RBFOX1: variants seen among roughly 807,000 people sequenced by gnomAD.
The protein encoded by RBFOX1 is RNA binding protein fox-1 homolog 1.
Under a neutral mutation model 57.7 loss-of-function variants are expected in RBFOX1, and 8 were observed. That is an observed-to-expected ratio of 0.14 (90% CI 0.08 to 0.25). RBFOX1 has a LOEUF of 0.25. Ranked by LOEUF, RBFOX1 falls within the 10% of genes least tolerant of loss-of-function variation. The pLI, the probability that RBFOX1 is intolerant of heterozygous loss-of-function variation, is 1.00. For synonymous variants in RBFOX1, 326 were observed against 222.4 expected, an observed-to-expected ratio of 1.47 and a Z score of -4.15; for missense variants, 611 against 548.5, an observed-to-expected ratio of 1.11 and a Z score of -1.14.
At chr16:5,987,372 A>C (rs544566879) in intron 4 of RBFOX1, among the ~76,000 whole-genome samples, 4 of 152,328 alleles carry the variant, frequency 2.6e-5, no homozygotes, top group Non-Finnish European at 4.4e-5. Context: ...CTGCACAGCA[A>C]AGGTTTTTAG....
intron 4 of RBFOX1, among the ~76,000 whole-genome samples, chr16:7,216,208 T>G (rs2092013482): frequency 6.6e-6 from 1 of 152,216 alleles, no homozygotes; most frequent in Non-Finnish European, 1.5e-5. Flanking sequence ...TTGTTTCCAC[T>G]TATTGGCTAT....
chr16:6,214,641 G>C (rs1376934482), intron 1 of RBFOX1, among the ~76,000 whole-genome samples: 2 of 128,372 alleles, frequency 1.6e-5, no homozygotes, highest in African/African-American at 6.0e-5. Context: ...GGGAGAGGGA[G>C]AGGGACAGGG....
chr16:6,957,116 T>TTATTTTTATTTA (rs1555677707), intron 3 of RBFOX1, among the ~76,000 whole-genome samples: 2 of 139,244 alleles, frequency 1.4e-5, no homozygotes, highest in South Asian at 2.3e-4. Flanking sequence ...TTATTTTTAT[T>TTATTTTTATTTA]TTTATTTATT....
intron 2 of RBFOX1, among the ~76,000 whole-genome samples, chr16:5,585,310 A>C (rs952627936): frequency 6.6e-6 from 1 of 152,184 alleles, no homozygotes; most frequent in Admixed American, 6.5e-5. Context: ...AATGTTTTCA[A>C]TGTTCATCCC....
At chr16:6,056,876 A>G (rs1032591526) in intron 1 of RBFOX1, 2 of 146,740 alleles carry the variant, frequency 1.4e-5, no homozygotes, top group South Asian at 4.3e-4. Context: ...TCTGGAAGTG[A>G]GCTGCATACA....
intron 2 of RBFOX1, among the ~76,000 whole-genome samples, chr16:6,563,090 C>T (rs906366040): frequency 1.6e-4 from 25 of 151,878 alleles, no homozygotes; most frequent in Admixed American, 5.3e-4. Flanking sequence ...CTCACTTCTT[C>T]CAAGTGCTGT....
chr16:5,711,456 T>C (rs1264239563), intron 3 of RBFOX1, among the ~76,000 whole-genome samples: 1 of 152,212 alleles, frequency 6.6e-6, no homozygotes, highest in African/African-American at 2.4e-5. Context: ...GAACTTTTTC[T>C]CTGTCTGGGG....
At chr16:6,025,031 G>A (rs1202949411) in intron 1 of RBFOX1, among the ~76,000 whole-genome samples, 1 of 152,210 alleles carries the variant, frequency 6.6e-6, no homozygotes, top group East Asian at 1.9e-4. Flanking sequence ...ATAGGCCCTT[G>A]TGGCCTGGGA....
At chr16:6,634,585 A>C (rs2098415976) in intron 2 of RBFOX1, among the ~76,000 whole-genome samples, 1 of 146,726 alleles carries the variant, frequency 6.8e-6, no homozygotes, top group Non-Finnish European at 1.5e-5. Context: ...AAGTATTCAA[A>C]TATATAATAT....
intron 1 of RBFOX1, among the ~76,000 whole-genome samples, chr16:5,386,583 C>G (rs1003450255): frequency 2.0e-5 from 3 of 152,170 alleles, no homozygotes; most frequent in Non-Finnish European, 4.4e-5. Flanking sequence ...GCCCCACTCT[C>G]TCTTAACCCT....
At chr16:5,239,814 C>G (rs887952576), upstream of RBFOX1, 15 of 859,952 alleles carry the variant, frequency 1.7e-5, no homozygotes, top group African/African-American at 7.1e-5. Flanking sequence ...CGCTCAGACG[C>G]CCCAGCTCCG....
At chr16:5,718,634 T>C (rs2051807270) in intron 3 of RBFOX1, among the ~76,000 whole-genome samples, 1 of 152,168 alleles carries the variant, frequency 6.6e-6, no homozygotes, top group South Asian at 2.1e-4. Flanking sequence ...TGGCTGGACA[T>C]GGTAGCTCAT....
At chr16:6,742,462 A>C (rs2072472466) in intron 3 of RBFOX1, among the ~76,000 whole-genome samples, 2 of 152,202 alleles carry the variant, frequency 1.3e-5, no homozygotes, top group Admixed American at 6.5e-5. Context: ...ATGAGTCAAC[A>C]ATCACATTTC....
chr16:6,860,825 C>T (rs904788890), intron 3 of RBFOX1, among the ~76,000 whole-genome samples: 2 of 152,068 alleles, frequency 1.3e-5, no homozygotes, highest in African/African-American at 4.8e-5. Flanking sequence ...CATTTATGTA[C>T]AGTTTTTGGA....
chr16:7,518,197 T>G lies in RBFOX1; in HGVS notation c.78T>G (p.Ala26=), dbSNP rs1186533572. ...AAPDTMAQPY[A]SAQFAPPQNG... Reference sequence around the variant, plus strand: ...CTGACACAATGGCTCAGCCTTACGCTTCGGCCCAGTTTGCTCCCCCGCAGA... The same window carrying G: ...CTGACACAATGGCTCAGCCTTACGCGTCGGCCCAGTTTGCTCCCCCGCAGA... Residue 26 remains alanine (A), a synonymous_variant, in exon 5 of 16, where the codon GCT becomes GCG. Transcript: ENST00000550418. 3 of 1,614,070 alleles carry G rather than the reference T, an allele frequency of 1.9e-6. No homozygotes were observed. The East Asian group carries it at 6.7e-5, about 36-fold the overall frequency.
At chr16:5,816,247 C>T (rs1183668984) in intron 3 of RBFOX1, among the ~76,000 whole-genome samples, 1 of 152,180 alleles carries the variant, frequency 6.6e-6, no homozygotes, top group Non-Finnish European at 1.5e-5. Flanking sequence ...ATACCTTCTC[C>T]CCTTGGCTAC....
intron 2 of RBFOX1, among the ~76,000 whole-genome samples, chr16:6,519,919 C>T (rs1165791777): frequency 1.3e-5 from 2 of 152,318 alleles, no homozygotes; most frequent in South Asian, 4.1e-4. Flanking sequence ...GCCCCATGCT[C>T]TTAACCACCC....
chr16:5,746,163 C>G (rs1049080173), intron 3 of RBFOX1, among the ~76,000 whole-genome samples: 120 of 152,302 alleles, frequency 7.9e-4, no homozygotes, highest in Non-Finnish European at 1.3e-3. Context: ...ATATGGCTAG[C>G]CAGTTTTCCC....
At chr16:7,358,407 T>G (rs1399677166) in intron 4 of RBFOX1, among the ~76,000 whole-genome samples, 1 of 151,182 alleles carries the variant, frequency 6.6e-6, no homozygotes, top group African/African-American at 2.4e-5. Flanking sequence ...AGTATTTTTG[T>G]GTTTTTTGTT....
Sources: gnomAD v4.1 joint callset for allele counts (sites outside exome capture counted in the v4.1 genomes callset) on GRCh38, gnomAD v4.1.1 for gene constraint, MANE v1.5 for transcripts, NCBI Gene and HGNC (gene_info 2026-07-23, HGNC 2026-07-21) for gene names.